RPL7A: variants seen among roughly 807,000 people sequenced by gnomAD.
RPL7A encodes the protein ribosomal protein L7a, also known as large ribosomal subunit protein eL8.
For synonymous variants in RPL7A, 158 were observed against 128.2 expected, an observed-to-expected ratio of 1.23 and a Z score of -1.57; for missense variants, 291 against 338.2, an observed-to-expected ratio of 0.86 and a Z score of 1.09.
intron 6 of RPL7A, 77 bp downstream of exon 6, chr9:133,350,804 A>C: frequency 6.3e-7 from 1 of 1,597,524 alleles, no homozygotes; most frequent in Non-Finnish European, 8.6e-7. Context: ...TTTTGCCTTA[A>C]AGGCCAATCT....
rs1040307618 is a variant in RPL7A at position 133,349,634 on chromosome 9, C to G, written c.208C>G (p.Leu70Val). 1.9e-6 allele frequency: 3 copies of G among 1,614,082 alleles called. No individual in the cohort carries two copies. Among genetic ancestry groups the G allele is most frequent in the Non-Finnish European group, 2.5e-6 (3 of 1,180,026 alleles). The change falls in exon 3 of 8, where the codon CTC becomes GTC. Residue 70 changes from leucine (L) to valine (V), a missense_variant. Physicochemically the swap from Leu to Val is conservative, Grantham distance 32. Coordinates refer to ENST00000323345, the MANE Select transcript of RPL7A (RefSeq NM_000972.3). ...YIRLQRQRAI[L>V]YKRLKVPPAI... ...CAGGTTGCAGCGGCAGAGAGCCATC[C>G]TCTATAAGCGGCTGAAAGTGCCTCC... is the stretch of plus-strand genomic sequence containing the variant.
chr9:133,348,500 G>T (rs2129978924), intron 1 of RPL7A: 1 of 613,878 alleles, frequency 1.6e-6, no homozygotes, highest in East Asian at 2.8e-5. Context: ...GGTGTCGCAG[G>T]CCTGGAGCAC....
intron 1 of RPL7A, 74 bp downstream of exon 1, chr9:133,348,320 G>T (rs372443227): frequency 6.3e-7 from 1 of 1,588,794 alleles, no homozygotes; most frequent in Non-Finnish European, 8.6e-7. Context: ...TCCAGGCGCG[G>T]CCTCGGAGGG....
At chr9:133,348,335 C>T (rs1162427381) in intron 1 of RPL7A, 89 bp downstream of exon 1, 1 of 1,553,946 alleles carries the variant, frequency 6.4e-7, no homozygotes, top group Non-Finnish European at 8.9e-7. Context: ...GGAGGGCCTC[C>T]TGCTCCTCCT....
At chr9:133,350,836 A>G in intron 6 of RPL7A, 109 bp downstream of exon 6, 2 of 1,569,216 alleles carry the variant, frequency 1.3e-6, no homozygotes, top group African/African-American at 1.3e-5. Context: ...AAATATATTT[A>G]TCTGAACTTT....
At position 133,350,521 on chromosome 9, in the gene RPL7A, T is replaced by A. The variant is rs2129994333; in HGVS notation, c.496-76T>A. 4.0e-3 allele frequency: 6,502 copies of A among 1,609,780 alleles called. 255 individuals carry two copies. The Admixed American group carries it at 0.072, about 18-fold the overall frequency. On this transcript the variant is annotated intron_variant, in intron 5 of 7. Coordinates refer to ENST00000323345, the MANE Select transcript of RPL7A (RefSeq NM_000972.3). ...TGCGAATCCATGAGCTTTTTAACCC[T>A]GAGCAATTGTTACAAGCTAACTGAA...
In RPL7A at chr9:133,351,247, T is replaced by C. The variant is rs1836391077; in HGVS notation, c.697-15T>C. 2 of 1,612,008 alleles carry C rather than the reference T, an allele frequency of 1.2e-6. No individual in the cohort carries two copies. Among genetic ancestry groups the C allele is most frequent in the Non-Finnish European group, 1.7e-6 (2 of 1,178,240 alleles). ...AACAGTAAGCCAAGCTAACTGCCTC[T>C]TTTTGTCTTTTCAGATCCGCCGTCA... On this transcript the variant is annotated splice_polypyrimidine_tract_variant and intron_variant, in intron 7 of 7. Coordinates refer to ENST00000323345, the MANE Select transcript of RPL7A (RefSeq NM_000972.3).
Position 133,350,519 on chromosome 9 carries a change from C to A in RPL7A, c.496-78C>A, listed in dbSNP as rs2129994291. 10 of 1,607,858 alleles carry A rather than the reference C, an allele frequency of 6.2e-6. No homozygotes were observed. In the African/African-American group the frequency reaches 1.3e-4, roughly 21 times the overall value. ...AGTGCGAATCCATGAGCTTTTTAAC[C>A]CTGAGCAATTGTTACAAGCTAACTG... On this transcript the variant is annotated intron_variant, in intron 5 of 7. Coordinates refer to ENST00000323345, the MANE Select transcript of RPL7A (RefSeq NM_000972.3).
intron 2 of RPL7A, 70 bp from the exon 3 acceptor site, chr9:133,349,477 CCCTT>C: frequency 6.3e-7 from 1 of 1,582,370 alleles, no homozygotes. Context: ...TGCACCAACA[CCCTT>C]CCTAGTGGCC....
At chr9:133,350,210 G>C in intron 4 of RPL7A, 30 bp from the exon 5 acceptor site, 1 of 1,613,434 alleles carries the variant, frequency 6.2e-7, no homozygotes, top group Non-Finnish European at 8.5e-7. Flanking sequence ...CAGGCCCTGT[G>C]AGTGCTCACA....
intron 4 of RPL7A, 38 bp from the exon 5 acceptor site, chr9:133,350,202 G>C: frequency 6.2e-7 from 1 of 1,611,328 alleles, no homozygotes; most frequent in Non-Finnish European, 8.5e-7. Flanking sequence ...GACTAGAGCA[G>C]GCCCTGTGAG....
chr9:133,350,075 T>TGAACACTGGGGGC, intron 4 of RPL7A, 23 bp downstream of exon 4: 1 of 1,613,798 alleles, frequency 6.2e-7, no homozygotes, highest in Middle Eastern at 1.7e-4. Flanking sequence ...CACCTTAGGG[T>TGAACACTGGGGGC]GAACACTGGG....
chr9:133,348,930 AAAG>A lies in RPL7A; in HGVS notation c.16_18del (p.Lys6del), dbSNP rs1299600669. The A allele has an allele frequency of 6.2e-6, 10 of 1,613,942 alleles. No individual in the cohort carries two copies. The highest frequency in any genetic ancestry group is 8.5e-6 in the Non-Finnish European group (10 of 1,179,994). ...GTTTTCTTTCTGCCCAGCCGAAAGG[AAAG>A]AAGGCCAAGGGAAAGAAGGTGGCTC... On this transcript the variant is annotated inframe_deletion, in exon 2 of 8. Coordinates refer to ENST00000323345, the MANE Select transcript of RPL7A (RefSeq NM_000972.3).
At chr9:133,350,559 T>A in intron 5 of RPL7A, 38 bp from the exon 6 acceptor site, 1 of 1,614,234 alleles carries the variant, frequency 6.2e-7, no homozygotes, top group Non-Finnish European at 8.5e-7. Flanking sequence ...TTGCTGCTTT[T>A]GGTCAAAATA....
chr9:133,349,770 G>C, intron 3 of RPL7A, 70 bp downstream of exon 3: 1 of 1,599,762 alleles, frequency 6.3e-7, no homozygotes. Flanking sequence ...ACATGAGGGG[G>C]ATGGTCTTAG....
At position 133,350,780 on chromosome 9, in the gene RPL7A, TCA is replaced by T. The variant is rs2129996109; in HGVS notation, c.626+56_626+57del. On this transcript the variant is annotated intron_variant, in intron 6 of 7. Coordinates refer to ENST00000323345, the MANE Select transcript of RPL7A (RefSeq NM_000972.3). ...CCCCCCAGTTCATTTAATCCATGCC[TCA>T]CAGTTGTTTCCTTTTGCCTTAAAGG... 1.7e-4 allele frequency: 281 copies of T among 1,606,330 alleles called. No individual in the cohort carries two copies. In the East Asian group the frequency reaches 6.0e-3, roughly 35 times the overall value.
rs2129983365 is a variant in RPL7A at position 133,349,077 on chromosome 9, G to GATA, written c.124+35_124+36insATA. On this transcript the variant is annotated intron_variant, in intron 2 of 7. Transcript: ENST00000323345. ...AAACGGCAGAATGAAAACGGTCTATGTTTTTCTCAAGGGAAGGTGGTAATT... is the reference window on the plus strand; with the variant it reads ...AAACGGCAGAATGAAAACGGTCTATGATATTTTTCTCAAGGGAAGGTGGTAATT... 75 of 1,609,106 alleles carry GATA rather than the reference G, an allele frequency of 4.7e-5. 1 individual carries two copies. In the African/African-American group the frequency reaches 9.0e-4, roughly 19 times the overall value.
chr9:133,349,957 A>C lies in RPL7A; in HGVS notation c.320A>C (p.Lys107Thr). 6.2e-7 allele frequency: 1 copy of C among 1,611,990 alleles called. No homozygotes were observed. The highest frequency in any genetic ancestry group is 8.5e-7 in the Non-Finnish European group (1 of 1,180,020). ...GCCCACAAGTACAGACCAGAGACAA[A>C]GCAAGAGAAGAAGCAGAGACTGTTG... ...KLAHKYRPETKQEKKQRLLAR... is the reference protein window; with the variant it reads ...KLAHKYRPETTQEKKQRLLAR... The change falls in exon 4 of 8, where the codon AAG becomes ACG. Residue 107 changes from lysine to threonine, a missense_variant. Coordinates refer to ENST00000323345, the MANE Select transcript of RPL7A (RefSeq NM_000972.3).
intron 6 of RPL7A, 78 bp from the exon 7 acceptor site, chr9:133,350,924 G>T: frequency 6.5e-7 from 1 of 1,533,300 alleles, no homozygotes; most frequent in South Asian, 1.1e-5. Context: ...AGACTGTCTT[G>T]AGCTAAAAGG....
Sources: gnomAD v4.1 joint callset for allele counts on GRCh38, gnomAD v4.1.1 for gene constraint, MANE v1.5 for transcripts, NCBI Gene and HGNC (gene_info 2026-07-23, HGNC 2026-07-21) for gene names.